Variants in CUEDC1 observed in about 807,000 individuals in gnomAD.
CUEDC1 encodes the protein CUE domain containing 1, also known as CUE domain-containing protein 1.
In CUEDC1, 30 loss-of-function variants were observed where a neutral mutation model predicts 43.7. The observed-to-expected ratio is 0.69, with a 90% CI of 0.51 to 0.93. CUEDC1 has a LOEUF of 0.93. Among genes scored for constraint, CUEDC1 ranks in the 40% least tolerant of loss-of-function variants. The pLI, the probability that CUEDC1 is intolerant of heterozygous loss-of-function variation, is 0.00. For synonymous variants in CUEDC1, 223 were observed against 223.6 expected, an observed-to-expected ratio of 1.00 and a Z score of 0.02; for missense variants, 486 against 549.0, an observed-to-expected ratio of 0.89 and a Z score of 1.15.
chr17:57,937,166 G>T (rs543671886), intron 1 of CUEDC1, among the ~76,000 whole-genome samples: 1 of 152,234 alleles, frequency 6.6e-6, no homozygotes, highest in African/African-American at 2.4e-5. Flanking sequence ...TGGTTCCCTG[G>T]AATCAGCCTG....
At chr17:57,887,182 C>A (rs1023529743) in intron 1 of CUEDC1, among the ~76,000 whole-genome samples, 28 of 152,212 alleles carry the variant, frequency 1.8e-4, no homozygotes, top group African/African-American at 6.0e-4. Context: ...GTGTGTCCCT[C>A]AGCCCCCAGG....
At chr17:57,868,292 A>G in intron 7 of CUEDC1, 49 bp from the exon 8 acceptor site, 1 of 1,529,170 alleles carries the variant, frequency 6.5e-7, no homozygotes, top group Non-Finnish European at 9.1e-7. Context: ...CCAGCACACC[A>G]GATGGCCTCC....
Position 57,863,170 on chromosome 17 carries a change from G to C in CUEDC1, c.*119C>G, listed in dbSNP as rs575898863. 1 of 152,670 alleles carries C rather than the reference G, an allele frequency of 6.6e-6. No individual in the cohort carries two copies. The highest frequency in any genetic ancestry group is 1.5e-5 in the Non-Finnish European group (1 of 68,116). The allele number at this position is 152,670 out of a possible 1,614,324, so 9.5% of individuals were successfully genotyped here. A position where few individuals can be genotyped will look rare whatever the true frequency, so the allele number is the denominator to read the frequency against. On this transcript the variant is annotated 3_prime_UTR_variant, in exon 11 of 11. Coordinates refer to ENST00000577830, the MANE Select transcript of CUEDC1 (RefSeq NM_001271875.2). ...TGTGGCTGGAGGATCACCGGGCCTC[G>C]GTTCTCAAGCACCATCTGTCTGGCT...
At chr17:57,946,323 T>C (rs181941037) in intron 1 of CUEDC1, among the ~76,000 whole-genome samples, 1 of 152,280 alleles carries the variant, frequency 6.6e-6, no homozygotes, top group East Asian at 1.9e-4. Context: ...AGAAATAAAA[T>C]GTAATGATGC....
intron 1 of CUEDC1, among the ~76,000 whole-genome samples, chr17:57,916,417 G>A (rs566176152): frequency 3.3e-5 from 5 of 152,352 alleles, no homozygotes; most frequent in African/African-American, 1.2e-4. Context: ...GAGAGGGGAG[G>A]GGGTGGAGAG....
intron 2 of CUEDC1, among the ~76,000 whole-genome samples, chr17:57,881,590 C>T (rs2074205038): frequency 6.6e-6 from 1 of 152,188 alleles, no homozygotes; most frequent in Non-Finnish European, 1.5e-5. Flanking sequence ...TTGAGGCCAG[C>T]AGTGGTGGGT....
chr17:57,868,357 G>A, intron 7 of CUEDC1, 114 bp from the exon 8 acceptor site: 1 of 905,374 alleles, frequency 1.1e-6, no homozygotes, highest in South Asian at 1.4e-5. Flanking sequence ...GAGGGAGCAG[G>A]GGGCAGGCAA....
At chr17:57,901,862 T>C (rs1368168939) in intron 1 of CUEDC1, among the ~76,000 whole-genome samples, 1 of 152,200 alleles carries the variant, frequency 6.6e-6, no homozygotes, top group Non-Finnish European at 1.5e-5. Context: ...CTTGGCTTCT[T>C]CGATAATCAT....
chr17:57,883,370 A>T (rs1427267144), intron 2 of CUEDC1, among the ~76,000 whole-genome samples: 3 of 152,218 alleles, frequency 2.0e-5, no homozygotes, highest in Non-Finnish European at 4.4e-5. Context: ...GCCCTGCAGG[A>T]TGGCTGATGA....
At chr17:57,950,043 C>T (rs1024922820) in intron 1 of CUEDC1, among the ~76,000 whole-genome samples, 40 of 152,280 alleles carry the variant, frequency 2.6e-4, no homozygotes, top group African/African-American at 9.1e-4. Context: ...GAAGATTCAA[C>T]GAGCTAATCC....
At chr17:57,940,108 T>C (rs1328698802) in intron 1 of CUEDC1, among the ~76,000 whole-genome samples, 1 of 152,128 alleles carries the variant, frequency 6.6e-6, no homozygotes, top group African/African-American at 2.4e-5. Context: ...AAAGAGGCTC[T>C]AGAGGTGACT....
chr17:57,912,026 CCT>C (rs1166136535), intron 1 of CUEDC1, among the ~76,000 whole-genome samples: 4 of 152,216 alleles, frequency 2.6e-5, no homozygotes, highest in Admixed American at 6.5e-5. Context: ...AAGATAAAAA[CCT>C]CTTTTCTTCA....
Position 57,937,259 on chromosome 17 carries a change from G to A in CUEDC1, c.-316+17966C>T, listed in dbSNP as rs143833080. Among the ~76,000 whole-genome samples, 596 of 152,220 alleles carry A rather than the reference G, an allele frequency of 3.9e-3. 6 individuals carry two copies. Among genetic ancestry groups the A allele is most frequent in the African/African-American group, 0.014 (562 of 41,518 alleles). On this transcript the variant is annotated intron_variant, in intron 1 of 10. Coordinates refer to ENST00000577830, the MANE Select transcript of CUEDC1 (RefSeq NM_001271875.2). ...ATCCTCACAGTAACCACACAAAGCAGGTACTATGGATATCCTCATTTCACA... is the reference window on the plus strand; with the variant it reads ...ATCCTCACAGTAACCACACAAAGCAAGTACTATGGATATCCTCATTTCACA...
At chr17:57,878,283 C>T (rs973462414) in intron 3 of CUEDC1, among the ~76,000 whole-genome samples, 3 of 152,180 alleles carry the variant, frequency 2.0e-5, no homozygotes, top group African/African-American at 7.2e-5. Context: ...TCAGTTTCCT[C>T]GTCCATAAAT....
chr17:57,896,250 C>A (rs755626289), intron 1 of CUEDC1, among the ~76,000 whole-genome samples: 52 of 152,228 alleles, frequency 3.4e-4, no homozygotes, highest in Non-Finnish European at 7.2e-4. Flanking sequence ...TGAGTATGGG[C>A]ATAAGGATAT....
intron 3 of CUEDC1, among the ~76,000 whole-genome samples, chr17:57,878,195 T>A (rs2074154019): frequency 6.6e-6 from 1 of 151,622 alleles, no homozygotes. Context: ...CAGTGAAGAG[T>A]GATTAGCTTT....
intron 1 of CUEDC1, among the ~76,000 whole-genome samples, chr17:57,931,709 C>T (rs1259412657): frequency 6.6e-6 from 1 of 152,122 alleles, no homozygotes; most frequent in Non-Finnish European, 1.5e-5. Flanking sequence ...GGGTTAGGAA[C>T]ACACAAAGGA....
chr17:57,872,881 A>G, intron 4 of CUEDC1, 26 bp from the exon 5 acceptor site: 2 of 1,601,370 alleles, frequency 1.2e-6, no homozygotes, highest in South Asian at 1.1e-5. Flanking sequence ...AGCATGTTGA[A>G]TGTGTACACA....
chr17:57,917,864 C>G (rs985712341), intron 1 of CUEDC1, among the ~76,000 whole-genome samples: 1 of 152,206 alleles, frequency 6.6e-6, no homozygotes, highest in African/African-American at 2.4e-5. Flanking sequence ...TCCTGACCCA[C>G]CCCAAGGCTT....
Sources: gnomAD v4.1 joint callset for allele counts (sites outside exome capture counted in the v4.1 genomes callset) on GRCh38, gnomAD v4.1.1 for gene constraint, MANE v1.5 for transcripts, NCBI Gene and HGNC (gene_info 2026-07-23, HGNC 2026-07-21) for gene names.